UBE2D3: variants seen among roughly 807,000 people sequenced by gnomAD.
UBE2D3 encodes the protein ubiquitin conjugating enzyme E2 D3.
Under a neutral mutation model 22.8 loss-of-function variants are expected in UBE2D3, and 2 were observed. That is an observed-to-expected ratio of 0.09 (90% CI 0.04 to 0.28). The LOEUF (loss-of-function observed/expected upper bound fraction) is 0.28. Ranked by LOEUF, UBE2D3 falls within the 10% of genes least tolerant of loss-of-function variation. The probability of loss-of-function intolerance (pLI) is 1.00; values close to 1 mark genes in which losing one functional copy is unlikely to be tolerated. For missense variants in UBE2D3, 27 were observed against 182.5 expected (o/e 0.15, Z 4.91); for synonymous variants, 56 against 60.4 (o/e 0.93, Z 0.34).
Position 102,838,191 on chromosome 4 carries a change from TG to T in UBE2D3, c.-128-11556del, listed in dbSNP as rs140620603. 5.6e-4 allele frequency among the ~76,000 whole-genome samples: 85 copies of T among 152,316 alleles called. 1 individual carries two copies. The East Asian group carries it at 0.013, about 22-fold the overall frequency. On this transcript the variant is annotated intron_variant, in intron 1 of 7. Coordinates refer to the UBE2D3 transcript ENST00000338145. ...AAATAGTGTAAACATAACTTTCATA[TG>T]CACTAGGAAATGGAAAAATTCACGC... is the stretch of plus-strand genomic sequence containing the variant.
rs2110234528 is a variant in UBE2D3 at position 102,795,485 on chromosome 4, CA to C, written c.*1929del. On this transcript the variant is annotated 3_prime_UTR_variant, in exon 8 of 8. Transcript: ENST00000453744. ...ATAATTTGAATCCAAAAAAGTTATG[CA>C]GTATGACATCTACCCTGAAGGAGCC... The C allele has an allele frequency of 6.6e-6, 1 of 152,084 alleles. No homozygotes were observed. The highest frequency in any genetic ancestry group is 1.5e-5 in the Non-Finnish European group (1 of 67,908). The allele number at this position is 152,084 out of a possible 1,614,324, so 9.4% of individuals were successfully genotyped here.
chr4:102,811,273 C>T (rs1032423941), intron 2 of UBE2D3: 1 of 152,470 alleles, frequency 6.6e-6, no homozygotes. Context: ...TTGAGCCCAA[C>T]AAGTCAAGGC....
exon 1 of UBE2D3, chr4:102,868,866 GC>G: frequency 6.6e-7 from 1 of 1,519,192 alleles, no homozygotes; most frequent in South Asian, 1.1e-5. Context: ...CTCGCTACCC[GC>G]CAGTTCCCGC....
rs1049458073 is a variant in UBE2D3, at chr4:102,795,186, T to C, written c.*2229A>G. ...GCATCAAGTCAAAGATACAGAGAAC[T>C]GGACACATCCACTAATTGTTATGAC... On this transcript the variant is annotated 3_prime_UTR_variant, in exon 8 of 8. Coordinates refer to ENST00000453744, the MANE Select transcript of UBE2D3 (RefSeq NM_181891.3). 6.6e-5 allele frequency: 10 copies of C among 152,034 alleles called. No homozygotes were observed. The highest frequency in any genetic ancestry group is 2.4e-4 in the African/African-American group (10 of 41,438). 9.4% of individuals were successfully genotyped at this position (152,034 alleles called of 1,614,324 possible).
chr4:102,799,119 G>T, intron 7 of UBE2D3: 2 of 939,226 alleles, frequency 2.1e-6, no homozygotes, highest in Non-Finnish European at 3.2e-6. Flanking sequence ...AAACATGCTT[G>T]GGGTAAAGAA....
At chr4:102,853,091 G>A (rs1363468142) in intron 1 of UBE2D3, among the ~76,000 whole-genome samples, 1 of 148,492 alleles carries the variant, frequency 6.7e-6, no homozygotes, top group African/African-American at 2.5e-5. Flanking sequence ...CACCTATGGA[G>A]AGAAATTTGG....
intron 1 of UBE2D3, among the ~76,000 whole-genome samples, chr4:102,862,168 T>C (rs768498255): frequency 1.4e-4 from 21 of 152,018 alleles, no homozygotes; most frequent in Admixed American, 2.6e-4. Context: ...CATTTATTTC[T>C]AGTTTGCTGG....
intron 1 of UBE2D3, among the ~76,000 whole-genome samples, chr4:102,833,015 G>GAAA (rs1553965464): frequency 8.7e-6 from 1 of 114,734 alleles, no homozygotes. Context: ...AAAAAAAAAT[G>GAAA]TTTATAGAAA....
chr4:102,812,089 T>C, intron 2 of UBE2D3: 1 of 177,306 alleles, frequency 5.6e-6, no homozygotes, highest in South Asian at 9.5e-5. Flanking sequence ...GAACTTTCAG[T>C]ATAAGCTCTC....
At chr4:102,807,333 G>A (rs1727225100) in intron 4 of UBE2D3, among the ~76,000 whole-genome samples, 1 of 152,124 alleles carries the variant, frequency 6.6e-6, no homozygotes, top group South Asian at 2.1e-4. Context: ...TTGTTTCATT[G>A]GTGCACTCCA....
chr4:102,798,868 G>A (rs941249592), intron 7 of UBE2D3: 1 of 1,492,078 alleles, frequency 6.7e-7, no homozygotes. Flanking sequence ...CTTAACGCAT[G>A]CAGCACTCAA....
intron 1 of UBE2D3, among the ~76,000 whole-genome samples, chr4:102,844,278 A>G (rs890216258): frequency 1.3e-5 from 2 of 152,132 alleles, no homozygotes; most frequent in African/African-American, 2.4e-5. Context: ...CAGTCTTGCC[A>G]TGTTATATAG....
At chr4:102,827,647 T>C (rs946282783), upstream of UBE2D3, 9 of 986,178 alleles carry the variant, frequency 9.1e-6, no homozygotes, top group African/African-American at 1.4e-4. Context: ...ACAAGACCGA[T>C]GTGAGGCCGA....
At chr4:102,798,307 A>AT (rs1725560237) in intron 7 of UBE2D3, among the ~76,000 whole-genome samples, 1 of 66,974 alleles carries the variant, frequency 1.5e-5, no homozygotes, top group African/African-American at 8.5e-5. Context: ...TGCACAGGAG[A>AT]ATTTTTATAT....
intron 2 of UBE2D3, chr4:102,825,302 G>A (rs1214273281): frequency 1.0e-6 from 1 of 986,884 alleles, no homozygotes; most frequent in African/African-American, 1.7e-5. Context: ...CAAGTTAGCT[G>A]TAAACACTCC....
At chr4:102,814,320 CCT>C (rs1399250174) in intron 2 of UBE2D3, among the ~76,000 whole-genome samples, 2 of 151,588 alleles carry the variant, frequency 1.3e-5, no homozygotes, top group African/African-American at 4.8e-5. Context: ...ATGGAGTCTC[CCT>C]CTGTCATCCA....
rs1161807605 is a variant in UBE2D3 at position 102,794,566 on chromosome 4, A to T, written c.*2849T>A. ...ATTAACAGTTTTGTTATGCCAACAC[A>T]AAACATGGCTGAGTTACCCCCCTCC... On this transcript the variant is annotated 3_prime_UTR_variant, in exon 8 of 8. Coordinates refer to ENST00000453744, the MANE Select transcript of UBE2D3 (RefSeq NM_181891.3). 1 of 152,046 alleles carries T rather than the reference A, an allele frequency of 6.6e-6. No homozygotes were observed. The highest frequency in any genetic ancestry group is 6.6e-5 in the Admixed American group (1 of 15,244). 9.4% of individuals were successfully genotyped at this position (152,046 alleles called of 1,614,324 possible). A position where few individuals can be genotyped will look rare whatever the true frequency, so the allele number is the denominator to read the frequency against.
chr4:102,826,315 C>A (rs187376911), intron 2 of UBE2D3, among the ~76,000 whole-genome samples, 170 bp downstream of exon 2: 143 of 152,290 alleles, frequency 9.4e-4, no homozygotes, highest in African/African-American at 3.4e-3. Flanking sequence ...CGTTTCCTAG[C>A]TTTAAACTTC....
chr4:102,816,358 C>T (rs183829410), intron 2 of UBE2D3, among the ~76,000 whole-genome samples: 9 of 152,308 alleles, frequency 5.9e-5, no homozygotes. Flanking sequence ...TGTTGACAGG[C>T]ACGTGTCATG....
Sources: gnomAD v4.1 joint callset for allele counts (sites outside exome capture counted in the v4.1 genomes callset) on GRCh38, gnomAD v4.1.1 for gene constraint, MANE v1.5 for transcripts, NCBI Gene and HGNC (gene_info 2026-07-23, HGNC 2026-07-21) for gene names.